The following RCAN2 variants were observed in gnomAD, a reference collection of about 807,000 sequenced individuals.
RCAN2 encodes calcipressin-2.
In RCAN2, 9 loss-of-function variants were observed where a neutral mutation model predicts 23.6. The observed-to-expected ratio is 0.38, with a 90% CI of 0.23 to 0.67. RCAN2 has a LOEUF of 0.67. Ranked by LOEUF, RCAN2 falls within the 30% of genes least tolerant of loss-of-function variation. The probability of loss-of-function intolerance (pLI) is 0.51; values close to 1 mark genes in which losing one functional copy is unlikely to be tolerated. For synonymous variants in RCAN2, 109 were observed against 115.7 expected (o/e 0.94, Z 0.37); for missense variants, 273 against 302.3 (o/e 0.90, Z 0.72).
chr6:46,257,214 A>T (rs1267505912), intron 2 of RCAN2, among the ~76,000 whole-genome samples: 4 of 152,210 alleles, frequency 2.6e-5, no homozygotes, highest in Non-Finnish European at 5.9e-5. Context: ...AATATAAAAA[A>T]GTATTTTATA....
chr6:46,489,410 C>T (rs918618159), intron 1 of RCAN2, among the ~76,000 whole-genome samples: 4 of 152,228 alleles, frequency 2.6e-5, no homozygotes, highest in African/African-American at 9.6e-5. Context: ...CTACAAAGCA[C>T]ACAGGAGGTG....
intron 2 of RCAN2, among the ~76,000 whole-genome samples, chr6:46,272,166 C>T (rs528001428): frequency 2.6e-5 from 4 of 152,328 alleles, no homozygotes; most frequent in African/African-American, 9.6e-5. Flanking sequence ...AATGCTTGCA[C>T]AGTTCTGTCC....
At chr6:46,232,692 C>CT (rs1168420106) in intron 4 of RCAN2, among the ~76,000 whole-genome samples, 1 of 147,626 alleles carries the variant, frequency 6.8e-6, no homozygotes, top group Non-Finnish European at 1.5e-5. Flanking sequence ...ACTGCGGAGG[C>CT]TGAGGCATGA....
chr6:46,363,863 T>C (rs570364363), intron 2 of RCAN2, among the ~76,000 whole-genome samples: 22 of 152,266 alleles, frequency 1.4e-4, no homozygotes, highest in Non-Finnish European at 2.9e-5. Context: ...CAGTAAGATG[T>C]TAAAGCCAGG....
At chr6:46,450,927 C>T (rs1767861612) in intron 2 of RCAN2, among the ~76,000 whole-genome samples, 1 of 151,768 alleles carries the variant, frequency 6.6e-6, no homozygotes. Flanking sequence ...TATATTCTCC[C>T]CACGAAAAAG....
chr6:46,460,209 C>T (rs959236564), intron 1 of RCAN2, among the ~76,000 whole-genome samples: 7 of 152,078 alleles, frequency 4.6e-5, no homozygotes, highest in African/African-American at 7.2e-5. Context: ...CAGGCATGCA[C>T]CACCATATCT....
chr6:46,390,019 CAAA>C (rs34443128), intron 2 of RCAN2, among the ~76,000 whole-genome samples: 57,621 of 137,648 alleles, frequency 0.42, 13,651 homozygotes, highest in East Asian at 0.57. Flanking sequence ...TATTCGAGAC[CAAA>C]AAAAAAAAAA....
intron 2 of RCAN2, among the ~76,000 whole-genome samples, chr6:46,454,122 T>C (rs1258004808): frequency 6.6e-6 from 1 of 152,156 alleles, no homozygotes; most frequent in Admixed American, 6.5e-5. Context: ...CCCACCAACT[T>C]ATCACAGTGC....
intron 4 of RCAN2, among the ~76,000 whole-genome samples, chr6:46,233,647 T>C (rs999675831): frequency 6.6e-6 from 1 of 152,178 alleles, no homozygotes; most frequent in Non-Finnish European, 1.5e-5. Context: ...TTTAAAGAAA[T>C]TGTAATAAAA....
intron 2 of RCAN2, chr6:46,325,871 C>G (rs994850076): frequency 1.0e-6 from 1 of 985,262 alleles, no homozygotes; most frequent in South Asian, 4.7e-5. Flanking sequence ...TTGTTGCAGC[C>G]GAGTGCTTAT....
intron 2 of RCAN2, among the ~76,000 whole-genome samples, chr6:46,341,236 A>G (rs1459617289): frequency 6.6e-6 from 1 of 152,220 alleles, no homozygotes; most frequent in Non-Finnish European, 1.5e-5. Flanking sequence ...TAAAAATGGC[A>G]GGCAGAGCCA....
At chr6:46,433,968 C>T (rs1488774436) in intron 2 of RCAN2, among the ~76,000 whole-genome samples, 1 of 152,178 alleles carries the variant, frequency 6.6e-6, no homozygotes, top group African/African-American at 2.4e-5. Flanking sequence ...CAGCATATTA[C>T]TGGGTATAAC....
At chr6:46,412,903 A>G (rs1023285007) in intron 2 of RCAN2, among the ~76,000 whole-genome samples, 1 of 152,212 alleles carries the variant, frequency 6.6e-6, no homozygotes, top group Non-Finnish European at 1.5e-5. Context: ...AAACCAGGAT[A>G]TAATAGGGCT....
intron 2 of RCAN2, among the ~76,000 whole-genome samples, chr6:46,283,170 C>T (rs1762260384): frequency 6.6e-6 from 1 of 152,072 alleles, no homozygotes; most frequent in Admixed American, 6.6e-5. Flanking sequence ...ATATTCAATC[C>T]AGGCGTGGTG....
At chr6:46,233,583 G>A (rs1019107357) in intron 4 of RCAN2, among the ~76,000 whole-genome samples, 7 of 152,134 alleles carry the variant, frequency 4.6e-5, no homozygotes, top group Non-Finnish European at 8.8e-5. Flanking sequence ...CAGAGAATTC[G>A]GAGATCTCAG....
intron 2 of RCAN2, among the ~76,000 whole-genome samples, chr6:46,391,562 C>A (rs888006843): frequency 3.3e-5 from 5 of 152,096 alleles, no homozygotes; most frequent in African/African-American, 4.8e-5. Context: ...CTTTAGTAGA[C>A]AATTTGCTCT....
chr6:46,226,054 A>G (rs1169435912), intron 4 of RCAN2, among the ~76,000 whole-genome samples: 2 of 152,150 alleles, frequency 1.3e-5, no homozygotes, highest in African/African-American at 4.8e-5. Flanking sequence ...TCCTTTCCCC[A>G]TTGCTTGTTT....
rs138061393 is a variant in RCAN2 at position 46,359,873 on chromosome 6, A to G, written c.225+96879T>C. The stretch of plus-strand genomic sequence containing the variant: ...TACAGATGCTAGAACCAAAGTTCAG[A>G]GATCACAAATCTTTTGTTTCCAGAC... On this transcript the variant is annotated intron_variant, in intron 2 of 4. Transcript: ENST00000371374. 3.9e-4 allele frequency among the ~76,000 whole-genome samples: 60 copies of G among 152,344 alleles called. No homozygotes were observed. The East Asian group carries it at 0.011, about 29-fold the overall frequency.
intron 2 of RCAN2, among the ~76,000 whole-genome samples, chr6:46,266,108 T>C (rs537781590): frequency 6.6e-6 from 1 of 152,264 alleles, no homozygotes; most frequent in South Asian, 2.1e-4. Flanking sequence ...TTAGAATCTT[T>C]ATCTCAGCAA....
Sources: allele counts gnomAD v4.1 joint callset (sites outside exome capture counted in the v4.1 genomes callset), GRCh38; gene constraint gnomAD v4.1.1; transcripts MANE v1.5; gene names NCBI Gene and HGNC (gene_info 2026-07-23, HGNC 2026-07-21).